SLC25A46: variants seen among roughly 807,000 people sequenced by gnomAD.
SLC25A46 encodes mitochondrial outer membrane protein SLC25A46.
SLC25A46 carries 39 observed loss-of-function variants against 44.6 expected under a neutral mutation model. That is an observed-to-expected ratio of 0.87 (90% CI 0.68 to 1.14). The LOEUF (loss-of-function observed/expected upper bound fraction) is 1.14, where lower values mean the gene tolerates loss of function less well. SLC25A46 is among the 50% of genes most tolerant of loss of function. The pLI, the probability that SLC25A46 is intolerant of heterozygous loss-of-function variation, is 0.00. For synonymous variants in SLC25A46, 202 were observed against 185.8 expected (o/e 1.09, Z -0.71); for missense variants, 547 against 522.7 (o/e 1.05, Z -0.45).
chr5:110,744,171 GTCAA>G (rs1799758295), intron 3 of SLC25A46, among the ~76,000 whole-genome samples: 1 of 152,152 alleles, frequency 6.6e-6, no homozygotes, highest in East Asian at 1.9e-4. Context: ...TGCTTCTGCA[GTCAA>G]TCTGTTGCAT....
chr5:110,756,890 TCACAG>T, intron 7 of SLC25A46, 131 bp downstream of exon 7: 3 of 508,396 alleles, frequency 5.9e-6, no homozygotes, highest in Non-Finnish European at 9.9e-6. Context: ...TTTATAAATA[TCACAG>T]TTATATCGCA....
intron 7 of SLC25A46, among the ~76,000 whole-genome samples, chr5:110,758,652 G>A (rs973154939): frequency 1.6e-4 from 25 of 151,850 alleles, no homozygotes; most frequent in East Asian, 1.4e-3. Context: ...TGTGGTAGTG[G>A]GCGCCTGTTG....
chr5:110,753,910 A>G (rs1800035714), intron 5 of SLC25A46: 1 of 152,196 alleles, frequency 6.6e-6, no homozygotes, highest in South Asian at 2.1e-4. Flanking sequence ...AGCTGTGCCA[A>G]GATGATTTAC....
At chr5:110,756,623 C>A in intron 6 of SLC25A46, 79 bp from the exon 7 acceptor site, 4 of 882,584 alleles carry the variant, frequency 4.5e-6, no homozygotes, top group Non-Finnish European at 7.0e-6. Context: ...ATTATGTTGA[C>A]ATATTAAAGC....
chr5:110,761,596 T>TGAA lies in SLC25A46; in HGVS notation c.1073_1075dup (p.Glu358dup). 1 of 1,613,788 alleles carries TGAA rather than the reference T, an allele frequency of 6.2e-7. No homozygotes were observed. The highest frequency in any genetic ancestry group is 8.5e-7 in the Non-Finnish European group (1 of 1,179,772). ...TAATTGACAATACAGACCTTGGCTA[T>TGAA]GAAGTGCTTCCAATTAATACACAAT... On this transcript the variant is annotated inframe_insertion, in exon 8 of 8. Coordinates refer to ENST00000355943, the MANE Select transcript of SLC25A46 (RefSeq NM_138773.4). The surrounding 1 kb of genome is among the most constrained non-coding windows in gnomAD (Gnocchi z 5.3).
Position 110,761,217 on chromosome 5 carries a change from G to C in SLC25A46, c.692G>C (p.Arg231Pro). 2.5e-6 allele frequency: 4 copies of C among 1,592,608 alleles called. No homozygotes were observed. The highest frequency in any genetic ancestry group is 2.6e-6 in the Non-Finnish European group (3 of 1,172,020). The change falls in exon 8 of 8, where the codon CGA (arginine) becomes CCA (proline). Residue 231 changes from arginine to proline, a missense_variant. By Grantham distance (103) the Arg-to-Pro change is moderately radical (BLOSUM62 -2). Transcript: ENST00000355943. This position sits in a 1 kb window ranked among gnomAD's most constrained non-coding sequence, Gnocchi z 5.3. ...TTTTTATTTCAGAGTGAGATAATTC[G>C]AGATAATACTGGCATTTTGGAGTGT... ...LIETVQSEII[R>P]DNTGILECVK...
chr5:110,739,119 G>A lies in SLC25A46; in HGVS notation c.-1G>A. On this transcript the variant is annotated 5_prime_UTR_variant, in exon 1 of 8. Transcript: ENST00000355943. ...GCTCGCGTCATCCTGCCCCCGCTGC[G>A]ATGCATCCGCGGCGCCCGGACGGAT... 1.3e-6 allele frequency: 2 copies of A among 1,546,716 alleles called. No homozygotes were observed. Among genetic ancestry groups the A allele is most frequent in the Non-Finnish European group, 1.7e-6 (2 of 1,146,532 alleles).
chr5:110,745,252 C>CTT (rs377434598), intron 3 of SLC25A46, among the ~76,000 whole-genome samples: 5 of 147,568 alleles, frequency 3.4e-5, no homozygotes, highest in Non-Finnish European at 6.0e-5. Flanking sequence ...TTATAACCCA[C>CTT]TTTTTTTTTT....
At position 110,739,351 on chromosome 5, in the gene SLC25A46, G is replaced by T. The variant is rs1236891995; in HGVS notation, c.232G>T (p.Glu78Ter). Residue 78 changes from glutamate to a stop codon, truncating the protein, a stop_gained, in exon 1 of 8, where the codon GAG becomes TAG. Transcript: ENST00000355943. LOFTEE classifies it high-confidence loss of function. ...CTCCACCCCGTACGAAGGCCCCACG[G>T]AGGAACCCTTTTCCAGTGGCGGCGG... ...TTSTPYEGPTEEPFSSGGGGS... is the reference protein window; with the variant it reads ...TTSTPYEGPT The T allele has an allele frequency of 6.4e-7, 1 of 1,562,922 alleles. No homozygotes were observed. The highest frequency in any genetic ancestry group is 2.4e-5 in the East Asian group (1 of 42,502).
At chr5:110,738,599 T>G (rs1799466011), upstream of SLC25A46, 1 of 194,606 alleles carries the variant, frequency 5.1e-6, no homozygotes, top group African/African-American at 2.4e-5. Flanking sequence ...TGGAACGTTA[T>G]TAACCCTCCA....
At position 110,755,360 on chromosome 5, in the gene SLC25A46, A is replaced by G; in HGVS notation, c.564-105A>G. ...CCATTAGAATATATTTCTCCTACAG[A>G]TTGAAAAAAATTAGAAGTTGATTAC... On this transcript the variant is annotated intron_variant, in intron 5 of 7. Coordinates refer to ENST00000355943, the MANE Select transcript of SLC25A46 (RefSeq NM_138773.4). The G allele has an allele frequency of 4.4e-6, 3 of 684,478 alleles. No homozygotes were observed. In the South Asian group the frequency reaches 5.4e-5, roughly 12 times the overall value. 42.4% of individuals were successfully genotyped at this position (684,478 alleles called of 1,614,324 possible).
At chr5:110,742,748 A>T (rs1010656255) in intron 2 of SLC25A46, among the ~76,000 whole-genome samples, 2 of 152,092 alleles carry the variant, frequency 1.3e-5, no homozygotes, top group Non-Finnish European at 2.9e-5. Context: ...TGCTTACAAG[A>T]TATTTAGCAA....
In SLC25A46 at chr5:110,761,595, A is replaced by T. The variant is rs1229680117; in HGVS notation, c.1070A>T (p.Tyr357Phe). Reference protein sequence around the residue: ...RTIIDNTDLGYEVLPINTQYE... With the variant: ...RTIIDNTDLGFEVLPINTQYE... ...ATAATTGACAATACAGACCTTGGCT[A>T]TGAAGTGCTTCCAATTAATACACAA... The change falls in exon 8 of 8, where the codon TAT (tyrosine) becomes TTT (phenylalanine). Residue 357 changes from tyrosine (Y) to phenylalanine (F), a missense_variant. Coordinates refer to ENST00000355943, the MANE Select transcript of SLC25A46 (RefSeq NM_138773.4). The surrounding 1 kb of genome is among the most constrained non-coding windows in gnomAD (Gnocchi z 5.3). The T allele has an allele frequency of 8.7e-6, 14 of 1,613,782 alleles. No individual in the cohort carries two copies. The highest frequency in any genetic ancestry group is 1.0e-5 in the Non-Finnish European group (12 of 1,179,772).
At position 110,761,318 on chromosome 5, in the gene SLC25A46, A is replaced by T. The variant is rs754848420; in HGVS notation, c.793A>T (p.Ile265Phe). The T allele has an allele frequency of 1.2e-6, 2 of 1,613,824 alleles. No individual in the cohort carries two copies. The highest frequency in any genetic ancestry group is 1.7e-6 in the Non-Finnish European group (2 of 1,179,822). The part of the protein sequence containing the change: ...SKRLLPLLSL[I>F]FPTVLHGVLH... ...ACGACTTCTTCCGCTTCTTTCCTTG[A>T]TCTTCCCTACGGTGCTTCATGGAGT... The change falls in exon 8 of 8, where the codon ATC (isoleucine) becomes TTC (phenylalanine). Residue 265 changes from isoleucine (I) to phenylalanine (F), a missense_variant. By Grantham distance (21) the Ile-to-Phe change is conservative. Coordinates refer to ENST00000355943, the MANE Select transcript of SLC25A46 (RefSeq NM_138773.4). This position sits in a 1 kb window ranked among gnomAD's most constrained non-coding sequence, Gnocchi z 5.3.
intron 1 of SLC25A46, chr5:110,741,569 T>A (rs2150407807): frequency 6.6e-6 from 1 of 152,666 alleles, no homozygotes; most frequent in South Asian, 2.1e-4. Flanking sequence ...GAATATCAGC[T>A]GCGGCCAACC....
chr5:110,758,343 T>C (rs1800164947), intron 7 of SLC25A46, among the ~76,000 whole-genome samples: 1 of 152,184 alleles, frequency 6.6e-6, no homozygotes, highest in African/African-American at 2.4e-5. Context: ...AACAATCTCA[T>C]CTGTCCCTCT....
rs1395656587 is a variant in SLC25A46, at chr5:110,764,650, A to G, written c.*2868A>G. 1.3e-5 allele frequency: 2 copies of G among 151,858 alleles called. No individual in the cohort carries two copies. The highest frequency in any genetic ancestry group is 2.9e-5 in the Non-Finnish European group (2 of 67,904). The allele number at this position is 151,858 out of a possible 1,614,324, so 9.4% of individuals were successfully genotyped here. On this transcript the variant is annotated 3_prime_UTR_variant, in exon 8 of 8. Transcript: ENST00000355943. ...AATGCTTTAGTGTTTCTACCTAAGT[A>G]TTAGTACATCTGTTCAGGAAATGGA...
Position 110,761,369 on chromosome 5 carries a change from A to AT in SLC25A46, c.846dup (p.Gln283SerfsTer15), listed in dbSNP as rs1800245413. On this transcript the variant is annotated frameshift_variant, in exon 8 of 8. Transcript: ENST00000355943. LOFTEE classifies it high-confidence loss of function. The surrounding 1 kb of genome is among the most constrained non-coding windows in gnomAD (Gnocchi z 5.3). ...TCTTCATTACATCATCAGCTCAGTT[A>AT]TTCAGAAGTTTGTCCTACTAATTCT... 1 of 1,613,642 alleles carries AT rather than the reference A, an allele frequency of 6.2e-7. No homozygotes were observed. The highest frequency in any genetic ancestry group is 1.7e-5 in the Admixed American group (1 of 59,934).
upstream of SLC25A46, chr5:110,738,955 A>G (rs1468208426): frequency 1.4e-6 from 2 of 1,441,194 alleles, no homozygotes; most frequent in Non-Finnish European, 9.1e-7. Context: ...GGAAGAGGCT[A>G]TAATCACGTG....
Sources: gnomAD v4.1 joint callset for allele counts (sites outside exome capture counted in the v4.1 genomes callset) on GRCh38, gnomAD v4.1.1 for gene constraint, Gnocchi (gnomAD v3.1) non-coding constraint, MANE v1.5 for transcripts, NCBI Gene and HGNC (gene_info 2026-07-23, HGNC 2026-07-21) for gene names.